The following SRGAP3 variants were observed in gnomAD, a reference collection of about 807,000 sequenced individuals.
SRGAP3 encodes the protein SLIT-ROBO Rho GTPase-activating protein 3.
In SRGAP3, 39 loss-of-function variants were observed where a neutral mutation model predicts 121.1. The ratio of observed to expected loss-of-function variants is 0.32; its 90% CI spans 0.25 to 0.42. The LOEUF (loss-of-function observed/expected upper bound fraction) is 0.42. Ranked by LOEUF, SRGAP3 falls within the 10% of genes least tolerant of loss-of-function variation. SRGAP3 has a pLI of 1.00. For synonymous variants in SRGAP3, 601 were observed against 570.0 expected, an observed-to-expected ratio of 1.05 and a Z score of -0.77; for missense variants, 1,213 against 1,470.6, an observed-to-expected ratio of 0.82 and a Z score of 2.86.
intron 1 of SRGAP3, among the ~76,000 whole-genome samples, chr3:9,209,523 T>C (rs1952373936): frequency 6.6e-6 from 1 of 152,246 alleles, no homozygotes; most frequent in Non-Finnish European, 1.5e-5. Context: ...GTGAGGACAG[T>C]GGTGGCATAA....
chr3:9,270,546 T>A (rs1336925755), intron 3 of SRGAP3, among the ~76,000 whole-genome samples: 3 of 152,196 alleles, frequency 2.0e-5, no homozygotes, highest in Admixed American at 2.0e-4. Flanking sequence ...AATATCCCTG[T>A]TTCTCTCTAT....
At chr3:9,159,038 C>A (rs1950518637) in intron 1 of SRGAP3, among the ~76,000 whole-genome samples, 1 of 152,146 alleles carries the variant, frequency 6.6e-6, no homozygotes, top group South Asian at 2.1e-4. Flanking sequence ...CAGTTCTGGC[C>A]CAAACAAGGT....
intron 1 of SRGAP3, among the ~76,000 whole-genome samples, chr3:9,129,886 CAAGTAGCTGGG>C (rs1949379537): frequency 6.6e-6 from 1 of 151,916 alleles, no homozygotes; most frequent in Non-Finnish European, 1.5e-5. Context: ...TTCAGCCTCC[CAAGTAGCTGGG>C]ATTATAGGCA....
chr3:9,132,477 C>T (rs1270424822), intron 1 of SRGAP3, among the ~76,000 whole-genome samples: 3 of 152,144 alleles, frequency 2.0e-5, no homozygotes, highest in Non-Finnish European at 2.9e-5. Context: ...TATAGTTTTG[C>T]CTTTCCCAGC....
intron 8 of SRGAP3, 71 bp from the exon 9 acceptor site, chr3:9,053,295 C>A: frequency 6.9e-7 from 1 of 1,455,500 alleles, no homozygotes; most frequent in Non-Finnish European, 9.5e-7. Flanking sequence ...AGTCCCTTTC[C>A]CAGCTGTCAC....
intron 14 of SRGAP3, among the ~76,000 whole-genome samples, chr3:9,023,900 A>C (rs552673972): frequency 9.5e-4 from 144 of 152,264 alleles, no homozygotes; most frequent in Non-Finnish European, 1.1e-3. Flanking sequence ...AGATGGTTCC[A>C]AGCCAGAGCA....
intron 4 of SRGAP3, among the ~76,000 whole-genome samples, chr3:9,071,576 C>A (rs1347657747): frequency 6.6e-6 from 1 of 151,868 alleles, no homozygotes; most frequent in Non-Finnish European, 1.5e-5. Context: ...GAGAAGCCTG[C>A]CAGATCATGA....
rs58702559 is a variant in SRGAP3, at chr3:9,348,855, G to A, written n.214+13985C>T. Reference sequence around the variant, plus strand: ...CCTTTCTACAACATCAGTAAGGATCGCAGGTTTGCAAACCTCACTGAAGAT... The same window carrying A: ...CCTTTCTACAACATCAGTAAGGATCACAGGTTTGCAAACCTCACTGAAGAT... On this transcript the variant is annotated intron_variant and non_coding_transcript_variant, in intron 1 of 3. Coordinates refer to the SRGAP3 transcript ENST00000490889. 6.4e-3 allele frequency: 8,420 copies of A among 1,310,346 alleles called. 354 individuals carry two copies. The African/African-American group carries it at 0.095, about 15-fold the overall frequency. The allele number at this position is 1,310,346 out of a possible 1,614,324, so 81.2% of individuals were successfully genotyped here. A position where few individuals can be genotyped will look rare whatever the true frequency, so the allele number is the denominator to read the frequency against.
chr3:9,141,363 T>A (rs1210181860), intron 1 of SRGAP3, among the ~76,000 whole-genome samples: 1 of 152,230 alleles, frequency 6.6e-6, no homozygotes, highest in Non-Finnish European at 1.5e-5. Context: ...AAGGCCACCA[T>A]GCCGCCCAAA....
intron 1 of SRGAP3, among the ~76,000 whole-genome samples, chr3:9,343,867 C>T (rs1396689290): frequency 2.6e-5 from 4 of 152,122 alleles, no homozygotes; most frequent in African/African-American, 4.8e-5. Context: ...CAGGGTTTTG[C>T]CATGTTGCCC....
intron 14 of SRGAP3, among the ~76,000 whole-genome samples, chr3:9,017,308 G>C (rs1457827677): frequency 6.6e-6 from 1 of 151,682 alleles, no homozygotes; most frequent in African/African-American, 2.4e-5. Flanking sequence ...TTTTGTATTT[G>C]TACATTTTTT....
At chr3:9,050,885 G>A (rs1263213652) in intron 9 of SRGAP3, among the ~76,000 whole-genome samples, 1 of 152,208 alleles carries the variant, frequency 6.6e-6, no homozygotes, top group African/African-American at 2.4e-5. Flanking sequence ...TGGAGAAAAT[G>A]TAGTGTGTAT....
intron 1 of SRGAP3, 51 bp downstream of exon 1, chr3:9,248,834 G>A (rs1953917690): frequency 6.3e-7 from 1 of 1,584,428 alleles, no homozygotes; most frequent in South Asian, 1.1e-5. Flanking sequence ...ACCAGAACAA[G>A]AGAAAAACGA....
At chr3:9,020,660 T>C (rs1160116156) in intron 14 of SRGAP3, among the ~76,000 whole-genome samples, 1 of 152,172 alleles carries the variant, frequency 6.6e-6, no homozygotes, top group Non-Finnish European at 1.5e-5. Context: ...AGGCTCTCAG[T>C]CCATAAATTG....
At chr3:9,192,229 T>C (rs1951774183) in intron 1 of SRGAP3, among the ~76,000 whole-genome samples, 2 of 152,334 alleles carry the variant, frequency 1.3e-5, no homozygotes, top group South Asian at 4.1e-4. Flanking sequence ...CTCTGAGCCC[T>C]TGGAATATCG....
intron 1 of SRGAP3, among the ~76,000 whole-genome samples, chr3:9,187,876 C>T (rs1951647393): frequency 6.6e-6 from 1 of 152,196 alleles, no homozygotes; most frequent in Admixed American, 6.5e-5. Flanking sequence ...CATATTCACC[C>T]TTGACAGTGA....
At chr3:9,050,059 T>C (rs574970233) in intron 9 of SRGAP3, among the ~76,000 whole-genome samples, 2 of 152,310 alleles carry the variant, frequency 1.3e-5, no homozygotes, top group East Asian at 3.9e-4. Context: ...ACGCTGGTCA[T>C]GAACTCACGA....
intron 1 of SRGAP3, 42 bp downstream of exon 1, chr3:9,248,832 AAGAGAAAAACG>A: frequency 1.3e-6 from 2 of 1,577,952 alleles, no homozygotes; most frequent in Non-Finnish European, 1.7e-6. Context: ...GAACCAGAAC[AAGAGAAAAACG>A]AAAGGGGAGG....
intron 15 of SRGAP3, 59 bp downstream of exon 15, chr3:9,015,538 A>G: frequency 6.2e-7 from 1 of 1,607,512 alleles, no homozygotes; most frequent in Non-Finnish European, 8.5e-7. Context: ...GTAAGCCTGT[A>G]GCTCAACTCC....
Sources: allele counts gnomAD v4.1 joint callset (sites outside exome capture counted in the v4.1 genomes callset), GRCh38; gene constraint gnomAD v4.1.1; transcripts MANE v1.5; gene names NCBI Gene and HGNC (gene_info 2026-07-23, HGNC 2026-07-21).